The following SRFBP1 variants were observed in gnomAD, a reference collection of about 807,000 sequenced individuals.
SRFBP1 encodes the protein serum response factor-binding protein 1.
In SRFBP1, 47 loss-of-function variants were observed where a neutral mutation model predicts 45.5. The observed-to-expected ratio is 1.03, with a 90% CI of 0.82 to 1.32. The LOEUF (loss-of-function observed/expected upper bound fraction) is 1.32. SRFBP1 is among the 40% of genes most tolerant of loss of function. The pLI is 0.00. For synonymous variants in SRFBP1, 203 were observed against 166.3 expected, an observed-to-expected ratio of 1.22 and a Z score of -1.70; for missense variants, 621 against 484.6, an observed-to-expected ratio of 1.28 and a Z score of -2.64.
intron 1 of SRFBP1, among the ~76,000 whole-genome samples, chr5:121,966,035 T>G (rs776155747): frequency 3.9e-5 from 6 of 152,202 alleles, no homozygotes; most frequent in Non-Finnish European, 5.9e-5. Context: ...CACATTGATT[T>G]TGTATCCTGA....
At chr5:122,060,850 A>G (rs1302692171) in intron 2 of SRFBP1, among the ~76,000 whole-genome samples, 3 of 152,070 alleles carry the variant, frequency 2.0e-5, no homozygotes, top group African/African-American at 7.2e-5. Context: ...GGTTACATGA[A>G]CCCAAAATTG....
chr5:121,990,688 C>A (rs1018187907), intron 3 of SRFBP1, among the ~76,000 whole-genome samples: 17 of 152,294 alleles, frequency 1.1e-4, no homozygotes, highest in Middle Eastern at 3.4e-3. Context: ...AGACACCATT[C>A]TTACCCTTGA....
intron 3 of SRFBP1, among the ~76,000 whole-genome samples, chr5:121,993,114 G>A (rs1187605308): frequency 1.3e-5 from 2 of 152,002 alleles, no homozygotes; most frequent in African/African-American, 4.8e-5. Context: ...TACCCAACCT[G>A]ATTAAATTCA....
chr5:121,992,007 T>TG (rs1166731040), intron 3 of SRFBP1, among the ~76,000 whole-genome samples: 2 of 152,130 alleles, frequency 1.3e-5, no homozygotes, highest in African/African-American at 4.8e-5. Flanking sequence ...CCGAATAATA[T>TG]GGTATAATGA....
chr5:122,068,454 C>T (rs1754360808), intron 2 of SRFBP1, among the ~76,000 whole-genome samples: 1 of 152,104 alleles, frequency 6.6e-6, no homozygotes, highest in Non-Finnish European at 1.5e-5. Flanking sequence ...TTTTATCCCT[C>T]ATGAAACTTC....
At chr5:121,996,806 T>G (rs1466220456) in intron 4 of SRFBP1, among the ~76,000 whole-genome samples, 1 of 134,972 alleles carries the variant, frequency 7.4e-6, no homozygotes. Flanking sequence ...GATAAGCAAC[T>G]TCAGCAAAGT....
At chr5:122,023,626 T>C (rs899073244) in intron 7 of SRFBP1, among the ~76,000 whole-genome samples, 4 of 152,176 alleles carry the variant, frequency 2.6e-5, no homozygotes, top group Non-Finnish European at 5.9e-5. Context: ...ATGGTCCGTG[T>C]CTAGGGAGGG....
At position 122,027,818 on chromosome 5, in the gene SRFBP1, T is replaced by G. The variant is rs924049784; in HGVS notation, c.*692T>G. 1 of 152,160 alleles carries G rather than the reference T, an allele frequency of 6.6e-6. No individual in the cohort carries two copies. Among genetic ancestry groups the G allele is most frequent in the African/African-American group, 2.4e-5 (1 of 41,452 alleles). The allele number at this position is 152,160 out of a possible 1,614,324, so 9.4% of individuals were successfully genotyped here. A position where few individuals can be genotyped will look rare whatever the true frequency, so the allele number is the denominator to read the frequency against. On this transcript the variant is annotated 3_prime_UTR_variant, in exon 8 of 8. Coordinates refer to ENST00000339397, the MANE Select transcript of SRFBP1 (RefSeq NM_152546.3). ...TCTAAAATAGTTGTCTAGGACAATT[T>G]TGGGATTCTTAATTATATTTTAGTT... is the stretch of plus-strand genomic sequence containing the variant.
intron 2 of SRFBP1, among the ~76,000 whole-genome samples, chr5:122,043,224 T>C (rs1427829533): frequency 2.0e-5 from 3 of 152,102 alleles, no homozygotes; most frequent in Non-Finnish European, 2.9e-5. Context: ...TTTTCTTTTT[T>C]TTCTTTTTCG....
chr5:121,983,907 C>T (rs1288159671), intron 3 of SRFBP1, among the ~76,000 whole-genome samples: 1 of 151,758 alleles, frequency 6.6e-6, no homozygotes, highest in Non-Finnish European at 1.5e-5. Flanking sequence ...TTCCTATTGT[C>T]TGCCAGATGG....
intron 4 of SRFBP1, among the ~76,000 whole-genome samples, chr5:122,012,150 T>C (rs2112697399): frequency 1.3e-5 from 2 of 152,202 alleles, no homozygotes; most frequent in Middle Eastern, 6.8e-3. Context: ...CCTAGAAGGT[T>C]AGTCTAATTG....
chr5:122,005,928 G>A (rs1056112621), intron 4 of SRFBP1, among the ~76,000 whole-genome samples: 1 of 152,106 alleles, frequency 6.6e-6, no homozygotes, highest in Admixed American at 6.5e-5. Flanking sequence ...AAAGATACAA[G>A]TGATTTGCAC....
At chr5:122,054,995 G>C (rs576790672) in intron 2 of SRFBP1, among the ~76,000 whole-genome samples, 7 of 152,204 alleles carry the variant, frequency 4.6e-5, no homozygotes, top group Non-Finnish European at 7.3e-5. Context: ...GATGAAGCTA[G>C]GATATAAACT....
At chr5:121,989,655 A>G (rs1415268765) in intron 3 of SRFBP1, among the ~76,000 whole-genome samples, 3 of 152,188 alleles carry the variant, frequency 2.0e-5, no homozygotes, top group Non-Finnish European at 4.4e-5. Flanking sequence ...TCCATTTGGC[A>G]TGAAACCTTT....
Position 122,020,579 on chromosome 5 carries a change from G to A in SRFBP1, c.844G>A (p.Gly282Ser), listed in dbSNP as rs746226469. 25 of 1,613,856 alleles carry A rather than the reference G, an allele frequency of 1.5e-5. No individual in the cohort carries two copies. The highest frequency in any genetic ancestry group is 1.5e-4 in the Admixed American group (9 of 59,996). Residue 282 changes from glycine (G) to serine (S), a missense_variant, in exon 6 of 8, where the codon GGT (glycine) becomes AGT (serine). Coordinates refer to ENST00000339397, the MANE Select transcript of SRFBP1 (RefSeq NM_152546.3). The part of the protein sequence containing the change: ...QSSMSEDSDS[G>S]DDFFIGKVRR... ...TTCCATGTCTGAAGATAGTGATAGC[G>A]GTGACGACTTCTTCATTGGGAAAGT...
intron 4 of SRFBP1, among the ~76,000 whole-genome samples, chr5:122,011,880 C>A (rs1008180643): frequency 5.9e-5 from 9 of 152,206 alleles, no homozygotes; most frequent in African/African-American, 2.2e-4. Flanking sequence ...GCAACAGAGA[C>A]CCAAAACACT....
At chr5:121,971,464 G>C (rs891577143) in intron 1 of SRFBP1, among the ~76,000 whole-genome samples, 10 of 152,088 alleles carry the variant, frequency 6.6e-5, no homozygotes, top group African/African-American at 2.4e-4. Context: ...AAGAAGGGAA[G>C]GGTTTTATTG....
At chr5:121,975,251 C>T in intron 2 of SRFBP1, 64 bp from the exon 3 acceptor site, 1 of 1,480,040 alleles carries the variant, frequency 6.8e-7, no homozygotes, top group Admixed American at 1.7e-5. Flanking sequence ...AGTGATTATC[C>T]ATTACACTAT....
intron 2 of SRFBP1, among the ~76,000 whole-genome samples, chr5:122,048,000 A>C (rs574000295): frequency 1.3e-5 from 2 of 152,294 alleles, no homozygotes; most frequent in South Asian, 4.2e-4. Context: ...AACAGGGACA[A>C]TTTGACTTTC....
Sources: gnomAD v4.1 joint callset for allele counts (sites outside exome capture counted in the v4.1 genomes callset) on GRCh38, gnomAD v4.1.1 for gene constraint, MANE v1.5 for transcripts, NCBI Gene and HGNC (gene_info 2026-07-23, HGNC 2026-07-21) for gene names.